Variants in KCNK2 observed in about 807,000 individuals in gnomAD.
KCNK2 encodes potassium channel subfamily K member 2.
In KCNK2, 21 loss-of-function variants were observed where a neutral mutation model predicts 40.5. The ratio of observed to expected loss-of-function variants is 0.52; its 90% CI spans 0.37 to 0.75. The LOEUF (loss-of-function observed/expected upper bound fraction) is 0.75, where lower values mean the gene tolerates loss of function less well. Among genes scored for constraint, KCNK2 ranks in the 30% least tolerant of loss-of-function variants. The pLI, the probability that KCNK2 is intolerant of heterozygous loss-of-function variation, is 0.00. For synonymous variants in KCNK2, 191 were observed against 202.2 expected, an observed-to-expected ratio of 0.94 and a Z score of 0.47; for missense variants, 399 against 531.6, an observed-to-expected ratio of 0.75 and a Z score of 2.45.
chr1:215,118,651 G>C (rs1661051518), intron 2 of KCNK2, among the ~76,000 whole-genome samples: 1 of 152,220 alleles, frequency 6.6e-6, no homozygotes, highest in East Asian at 1.9e-4. Context: ...CTGTATATAT[G>C]TCAGTATAAT....
intron 2 of KCNK2, among the ~76,000 whole-genome samples, chr1:215,118,604 C>A (rs1325982014): frequency 6.6e-6 from 1 of 152,038 alleles, no homozygotes; most frequent in Non-Finnish European, 1.5e-5. Context: ...AGAAATTTGG[C>A]AAGATGATAC....
At chr1:215,008,574 C>A (rs762805865) in intron 1 of KCNK2, among the ~76,000 whole-genome samples, 2 of 152,102 alleles carry the variant, frequency 1.3e-5, no homozygotes, top group Non-Finnish European at 2.9e-5. Flanking sequence ...GTTCTTCCCT[C>A]CTGTACTTTT....
At chr1:215,106,879 A>C (rs1436131994) in intron 2 of KCNK2, among the ~76,000 whole-genome samples, 1 of 152,002 alleles carries the variant, frequency 6.6e-6, no homozygotes, top group Non-Finnish European at 1.5e-5. Context: ...GACTTTGTTG[A>C]AGATAAGATG....
intron 1 of KCNK2, among the ~76,000 whole-genome samples, chr1:215,044,529 A>T (rs1022514902): frequency 6.6e-6 from 1 of 152,150 alleles, no homozygotes; most frequent in Admixed American, 6.5e-5. Context: ...AATAATAACA[A>T]TAATACCTAT....
intron 2 of KCNK2, among the ~76,000 whole-genome samples, chr1:215,108,146 T>G (rs1558094429): frequency 6.6e-6 from 1 of 152,128 alleles, no homozygotes; most frequent in Non-Finnish European, 1.5e-5. Context: ...CCATGACTGA[T>G]CTGACAGGAG....
At chr1:215,193,730 C>T (rs1452153796) in intron 5 of KCNK2, among the ~76,000 whole-genome samples, 2 of 152,224 alleles carry the variant, frequency 1.3e-5, no homozygotes, top group Middle Eastern at 3.4e-3. Flanking sequence ...ACTTATCTCC[C>T]GAGAGACTTT....
intron 3 of KCNK2, among the ~76,000 whole-genome samples, chr1:215,153,142 A>T (rs10779647): frequency 0.55 from 83,962 of 152,072 alleles, 25,677 homozygotes; most frequent in Non-Finnish European, 0.68. Context: ...AGTGTTGCTT[A>T]CTACAAGTTT....
intron 6 of KCNK2, among the ~76,000 whole-genome samples, chr1:215,209,462 AT>A (rs375627011): frequency 2.3e-3 from 12 of 5,156 alleles, no homozygotes; most frequent in Admixed American, 5.8e-3. Flanking sequence ...ATTATATATT[AT>A]ATATAATATA....
chr1:215,029,429 C>T (rs1478741364), intron 1 of KCNK2, among the ~76,000 whole-genome samples: 1 of 150,114 alleles, frequency 6.7e-6, no homozygotes, highest in Non-Finnish European at 1.5e-5. Context: ...AAGTGTCACT[C>T]ATGTCTTTTC....
chr1:215,149,435 C>T (rs765577286), intron 3 of KCNK2, among the ~76,000 whole-genome samples: 2 of 152,058 alleles, frequency 1.3e-5, no homozygotes, highest in Non-Finnish European at 2.9e-5. Flanking sequence ...TGTCAGTGGG[C>T]ATAGGGATGC....
chr1:215,211,106 TG>T, intron 6 of KCNK2, among the ~76,000 whole-genome samples: 1 of 152,276 alleles, frequency 6.6e-6, no homozygotes. Context: ...TGGAAGTTTT[TG>T]ATGGCTTCCC....
intron 6 of KCNK2, among the ~76,000 whole-genome samples, chr1:215,212,619 T>A (rs1665788088): frequency 6.6e-6 from 1 of 152,184 alleles, no homozygotes. Context: ...AACTGGTGTG[T>A]TTTTCCAACC....
rs1169101650 is a variant in KCNK2, at chr1:215,210,043, AAT to A, written c.963+14961_963+14962del. On this transcript the variant is annotated intron_variant, in intron 6 of 6. Transcript: ENST00000444842. Reference sequence around the variant, plus strand: ...AATATATATTATATATAATATATATAATATATATATACACACACTATACAAAT... The same window carrying A: ...AATATATATTATATATAATATATATAATATATATACACACACTATACAAAT... Among the ~76,000 whole-genome samples, 43 of 44,910 alleles carry A rather than the reference AAT, an allele frequency of 9.6e-4. No homozygotes were observed. In the Middle Eastern group the frequency reaches 0.026, roughly 27 times the overall value. The allele number at this position is 44,910 out of a possible 152,430, so 29.5% of individuals were successfully genotyped here.
intron 6 of KCNK2, among the ~76,000 whole-genome samples, chr1:215,209,483 TAATACATA>T (rs1558140323): frequency 3.6e-4 from 2 of 5,606 alleles, no homozygotes; most frequent in East Asian, 0.013. Context: ...ATATTATATA[TAATACATA>T]TATATAATAT....
At chr1:215,037,002 CTTT>C (rs3033912) in intron 1 of KCNK2, among the ~76,000 whole-genome samples, 98 of 125,846 alleles carry the variant, frequency 7.8e-4, no homozygotes, top group African/African-American at 1.1e-3. Context: ...CCTTTTATTC[CTTT>C]TTTTTTTTTT....
rs1158755144 is a variant in KCNK2 at position 215,054,177 on chromosome 1, T to C, written c.35-32191T>C. Among the ~76,000 whole-genome samples the C allele has an allele frequency of 4.6e-5, 7 of 152,258 alleles. No homozygotes were observed. The East Asian group carries it at 1.3e-3, about 29-fold the overall frequency. ...GTATTAATTCATGATTAAAGAAACC[T>C]ATGATTGCCGATATTTCCCTTAATG... On this transcript the variant is annotated intron_variant, in intron 1 of 6. Transcript: ENST00000391895.
chr1:215,202,313 G>T (rs1240637081), intron 6 of KCNK2, among the ~76,000 whole-genome samples: 1 of 152,186 alleles, frequency 6.6e-6, no homozygotes, highest in African/African-American at 2.4e-5. Context: ...AAGTTCATCT[G>T]CTGGTCAATG....
At position 215,085,794 on chromosome 1, in the gene KCNK2, A is replaced by G. The variant is rs1214043635; in HGVS notation, c.47-574A>G. ...TCGACCATCGAGTGGTTTATTTACC[A>G]CCATGTTTTACCAGAAAATGATGAA... On this transcript the variant is annotated intron_variant, in intron 1 of 6. Coordinates refer to ENST00000444842, the MANE Select transcript of KCNK2 (RefSeq NM_001017425.3). Among the ~76,000 whole-genome samples the G allele has an allele frequency of 2.0e-5, 3 of 152,210 alleles. No homozygotes were observed. In the East Asian group the frequency reaches 5.8e-4, roughly 29 times the overall value.
intron 2 of KCNK2, among the ~76,000 whole-genome samples, chr1:215,095,799 T>C (rs185256864): frequency 1.6e-4 from 24 of 152,224 alleles, no homozygotes; most frequent in Non-Finnish European, 7.4e-5. Flanking sequence ...GTGTGCTCTG[T>C]GCTGTACTAG....
Sources: gnomAD v4.1 joint callset for allele counts (sites outside exome capture counted in the v4.1 genomes callset) on GRCh38, gnomAD v4.1.1 for gene constraint, MANE v1.5 for transcripts, NCBI Gene and HGNC (gene_info 2026-07-23, HGNC 2026-07-21) for gene names.